Variants in STYXL1 observed in about 807,000 individuals in gnomAD.
STYXL1 encodes the protein serine/threonine/tyrosine-interacting-like protein 1.
STYXL1 carries 32 observed loss-of-function variants against 36.4 expected under a neutral mutation model. That is an observed-to-expected ratio of 0.88 (90% CI 0.66 to 1.18). The LOEUF (loss-of-function observed/expected upper bound fraction) is 1.18, where lower values mean the gene tolerates loss of function less well. Ranked by LOEUF, STYXL1 falls within the 50% of genes most tolerant of loss-of-function variation. STYXL1 has a pLI of 0.00. For missense variants in STYXL1, 354 were observed against 394.1 expected (o/e 0.90, Z 0.86); for synonymous variants, 133 against 144.1 (o/e 0.92, Z 0.55).
At chr7:76,042,090 G>A (rs1193393976) in intron 1 of STYXL1, among the ~76,000 whole-genome samples, 4 of 152,206 alleles carry the variant, frequency 2.6e-5, no homozygotes, top group African/African-American at 7.2e-5. Context: ...ACGCATGTGT[G>A]TGAGTCTGTG....
At position 76,021,876 on chromosome 7, in the gene STYXL1, A is replaced by G. The variant is rs1416851877; in HGVS notation, c.282T>C (p.Asp94=). The part of the protein sequence containing the change: ...LEILLKDDDD[D]SDSDGDGKDL... ...CTTTGCCATCACCATCAGAGTCTGA[A>G]TCATCATCATCATCTTTTAAGAGTA... is the stretch of plus-strand genomic sequence containing the variant. Residue 94 remains aspartate, a synonymous_variant, in exon 4 of 9, where the codon GAT becomes GAC. Coordinates refer to ENST00000359697, the MANE Select transcript of STYXL1 (RefSeq NM_001317785.2). The G allele has an allele frequency of 3.1e-6, 5 of 1,610,126 alleles. No homozygotes were observed. The highest frequency in any genetic ancestry group is 4.2e-6 in the Non-Finnish European group (5 of 1,177,158).
intron 4 of STYXL1, 35 bp from the exon 5 acceptor site, chr7:76,013,922 G>A: frequency 1.3e-6 from 2 of 1,579,972 alleles, no homozygotes; most frequent in Non-Finnish European, 1.7e-6. Context: ...AATGTCTCCT[G>A]TGTATCTGCC....
At chr7:76,012,464 G>A (rs1792677416) in intron 5 of STYXL1, among the ~76,000 whole-genome samples, 1 of 151,952 alleles carries the variant, frequency 6.6e-6, no homozygotes, top group African/African-American at 2.4e-5. Context: ...TGTGATCTCG[G>A]CTCCCTGCAA....
rs782157818 is a variant in STYXL1, at chr7:76,021,915, G to A, written c.243C>T (p.Ser81=). The A allele has an allele frequency of 1.2e-6, 2 of 1,613,646 alleles. No individual in the cohort carries two copies. ...CTTTTAAGAGTATCTCCAGGGTGCTGCTGTTGTTATCATACACCACGCAGT... is the reference window on the plus strand; with the variant it reads ...CTTTTAAGAGTATCTCCAGGGTGCTACTGTTGTTATCATACACCACGCAGT... ...VKYCVVYDNN[S]STLEILLKDD... The change falls in exon 4 of 9, where the codon AGC becomes AGT. Residue 81 remains serine (S), a synonymous_variant. Coordinates refer to ENST00000359697, the MANE Select transcript of STYXL1 (RefSeq NM_001317785.2).
chr7:76,032,247 T>C (rs1202647621), intron 1 of STYXL1, among the ~76,000 whole-genome samples: 6 of 150,850 alleles, frequency 4.0e-5, no homozygotes, highest in African/African-American at 1.5e-4. Context: ...AAAAAATTCT[T>C]AAACTAGCCA....
intron 1 of STYXL1, among the ~76,000 whole-genome samples, chr7:76,030,850 T>TAAAAA (rs1160725857): frequency 5.3e-5 from 3 of 57,084 alleles, no homozygotes; most frequent in Non-Finnish European, 9.6e-5. Flanking sequence ...CCATCTCTAC[T>TAAAAA]AAAAAAAAAA....
intron 6 of STYXL1, among the ~76,000 whole-genome samples, chr7:76,004,487 T>A (rs1318516889): frequency 1.3e-5 from 2 of 148,780 alleles, no homozygotes; most frequent in African/African-American, 2.5e-5. Context: ...GCAGATCACT[T>A]GAGGTCAGGA....
At chr7:76,017,173 C>T (rs554111271) in intron 4 of STYXL1, among the ~76,000 whole-genome samples, 1 of 152,066 alleles carries the variant, frequency 6.6e-6, no homozygotes, top group African/African-American at 2.4e-5. Flanking sequence ...CAGGCATGCA[C>T]CACCATGCCC....
intron 3 of STYXL1, among the ~76,000 whole-genome samples, chr7:76,024,515 G>A (rs562212353): frequency 5.9e-5 from 9 of 152,218 alleles, no homozygotes; most frequent in African/African-American, 1.7e-4. Flanking sequence ...TACTGGGAAG[G>A]GTAAGGTGGG....
intron 3 of STYXL1, among the ~76,000 whole-genome samples, chr7:76,023,512 C>G (rs1477437082): frequency 6.6e-6 from 1 of 152,124 alleles, no homozygotes; most frequent in Admixed American, 6.6e-5. Context: ...CACGGGCATG[C>G]ACCACCATAC....
In STYXL1 at chr7:76,047,815, G is replaced by GA. The variant is rs1428848122; in HGVS notation, c.-159dup. On this transcript the variant is annotated 5_prime_UTR_variant, in exon 1 of 9. Coordinates refer to ENST00000359697, the MANE Select transcript of STYXL1 (RefSeq NM_001317785.2). ...GAGCCTCTGCCTGGGGCCCCACCTGGAAAAATGGCTCCTCTAAGGCGCTTC... is the reference window on the plus strand; with the variant it reads ...GAGCCTCTGCCTGGGGCCCCACCTGGAAAAAATGGCTCCTCTAAGGCGCTTC... 9.5e-6 allele frequency: 9 copies of GA among 944,710 alleles called. No individual in the cohort carries two copies. The South Asian group carries it at 1.0e-4, about 11-fold the overall frequency. The allele number at this position is 944,710 out of a possible 1,614,324, so 58.5% of individuals were successfully genotyped here. A position where few individuals can be genotyped will look rare whatever the true frequency, so the allele number is the denominator to read the frequency against.
intron 4 of STYXL1, among the ~76,000 whole-genome samples, chr7:76,020,987 C>T (rs782161530): frequency 9.9e-5 from 15 of 152,186 alleles, no homozygotes; most frequent in Non-Finnish European, 1.8e-4. Flanking sequence ...ATTCAGCATT[C>T]ATCACTAAGT....
At chr7:76,010,222 T>G (rs1225289310) in intron 5 of STYXL1, among the ~76,000 whole-genome samples, 5 of 151,708 alleles carry the variant, frequency 3.3e-5, no homozygotes, top group African/African-American at 1.2e-4. Context: ...GGCTGGAACA[T>G]TAAACTGCCC....
At chr7:76,042,389 G>GTTT (rs1563528839) in intron 1 of STYXL1, among the ~76,000 whole-genome samples, 3 of 22,246 alleles carry the variant, frequency 1.3e-4, no homozygotes, top group African/African-American at 2.2e-4. Context: ...GCCCTTATGT[G>GTTT]CTTTTTTTTT....
chr7:76,041,170 C>T (rs1427709658), intron 1 of STYXL1, among the ~76,000 whole-genome samples: 1 of 149,918 alleles, frequency 6.7e-6, no homozygotes, highest in Non-Finnish European at 1.5e-5. Context: ...GAACCTCCCC[C>T]CATCTCCAAA....
intron 4 of STYXL1, among the ~76,000 whole-genome samples, chr7:76,020,773 A>C (rs1217411347): frequency 6.6e-6 from 1 of 151,630 alleles, no homozygotes; most frequent in Non-Finnish European, 1.5e-5. Context: ...AGCCTCCCCA[A>C]GTGCTGGGAC....
At position 76,047,968 on chromosome 7, in the gene STYXL1, G is replaced by A. The variant is rs1261526649; in HGVS notation, c.-311C>T. 7 of 1,474,144 alleles carry A rather than the reference G, an allele frequency of 4.7e-6. No individual in the cohort carries two copies. Among genetic ancestry groups the A allele is most frequent in the African/African-American group, 4.2e-5 (3 of 71,582 alleles). 91.3% of individuals were successfully genotyped at this position (1,474,144 alleles called of 1,614,324 possible). On this transcript the variant is annotated 5_prime_UTR_variant, in exon 1 of 9. Transcript: ENST00000359697. ...GCCAAACACCGGGGTTGCCAGGATG[G>A]TCCCACAGCTTTCCTTTCCGACTCC...
chr7:76,002,054 C>CGCCTT (rs2116758623), intron 7 of STYXL1, among the ~76,000 whole-genome samples: 1 of 152,238 alleles, frequency 6.6e-6, no homozygotes, highest in South Asian at 2.1e-4. Context: ...AGTAACCCTC[C>CGCCTT]GCCTTAGCCT....
intron 1 of STYXL1, among the ~76,000 whole-genome samples, chr7:76,043,245 A>G (rs562364926): frequency 6.6e-5 from 10 of 152,162 alleles, no homozygotes; most frequent in African/African-American, 2.4e-4. Context: ...GGGTTCAAGC[A>G]ATTCTCCTGT....
Sources: gnomAD v4.1 joint callset for allele counts (sites outside exome capture counted in the v4.1 genomes callset) on GRCh38, gnomAD v4.1.1 for gene constraint, MANE v1.5 for transcripts, NCBI Gene and HGNC (gene_info 2026-07-23, HGNC 2026-07-21) for gene names.